Variants in P4HTM observed in about 807,000 individuals in gnomAD.
The protein encoded by P4HTM is prolyl 4-hydroxylase, transmembrane.
Under a neutral mutation model 55.3 loss-of-function variants are expected in P4HTM, and 33 were observed. That is an observed-to-expected ratio of 0.60 (90% confidence interval 0.45 to 0.80). The LOEUF (loss-of-function observed/expected upper bound fraction) is 0.80, where lower values mean the gene tolerates loss of function less well. P4HTM is among the 30% of genes least tolerant of loss of function. The pLI, the probability that P4HTM is intolerant of heterozygous loss-of-function variation, is 0.00. For missense variants in P4HTM, 542 were observed against 696.5 expected, an observed-to-expected ratio of 0.78 and a Z score of 2.50; for synonymous variants, 272 against 286.4, an observed-to-expected ratio of 0.95 and a Z score of 0.51.
Position 48,999,851 on chromosome 3 carries a change from CAA to C in P4HTM, c.437-1586_437-1585del, listed in dbSNP as rs1388021783. 1.3e-5 allele frequency: 2 copies of C among 152,248 alleles called. No individual in the cohort carries two copies. The highest frequency in any genetic ancestry group is 2.9e-5 in the Non-Finnish European group (2 of 68,058). The allele number at this position is 152,248 out of a possible 1,614,324, so 9.4% of individuals were successfully genotyped here. A position where few individuals can be genotyped will look rare whatever the true frequency, so the allele number is the denominator to read the frequency against. On this transcript the variant is annotated intron_variant, in intron 2 of 8. Coordinates refer to ENST00000383729, the MANE Select transcript of P4HTM (RefSeq NM_177939.3). The surrounding 1 kb of genome is among the most constrained non-coding windows in gnomAD (Gnocchi z 4.8). ...TTTTAAATTTTGTGTGTTAAGCAAT[CAA>C]GAGGTGACTCTGTTGATTTGCAATT...
At chr3:48,991,341 T>G in intron 2 of P4HTM, 1 of 161,108 alleles carries the variant, frequency 6.2e-6, no homozygotes, top group Non-Finnish European at 1.4e-5. Context: ...GATAAACTGG[T>G]ACCCCCCCAG....
At position 49,002,251 on chromosome 3, in the gene P4HTM, C is replaced by CA. The variant is rs1051958339; in HGVS notation, c.628-248dup. Among the ~76,000 whole-genome samples the CA allele has an allele frequency of 2.6e-5, 4 of 152,262 alleles. No individual in the cohort carries two copies. Among genetic ancestry groups the CA allele is most frequent in the Non-Finnish European group, 5.9e-5 (4 of 68,046 alleles). On this transcript the variant is annotated intron_variant, in intron 3 of 8. Transcript: ENST00000383729. The surrounding 1 kb of genome is among the most constrained non-coding windows in gnomAD (Gnocchi z 4.4). Reference sequence around the variant, plus strand: ...TCTGCTTCCAACCAACAGTGCTCTCCATGAAGGCCACGGGGCCTTAGTCCG... The same window carrying CA: ...TCTGCTTCCAACCAACAGTGCTCTCCAATGAAGGCCACGGGGCCTTAGTCCG...
At chr3:49,005,571 A>G in intron 6 of P4HTM, 1 of 1,385,406 alleles carries the variant, frequency 7.2e-7, no homozygotes, top group Non-Finnish European at 9.3e-7. Flanking sequence ...ATCTTGGCCA[A>G]AAAACCATTG....
At chr3:49,000,101 G>A (rs1413320265) in intron 2 of P4HTM, among the ~76,000 whole-genome samples, 1 of 152,208 alleles carries the variant, frequency 6.6e-6, no homozygotes, top group East Asian at 1.9e-4. Flanking sequence ...ATTTCTCTGT[G>A]CTTGGGTTTC....
rs771225012 is a variant in P4HTM, at chr3:49,005,033, G to T, written c.1060G>T (p.Glu354Ter). ...KLVANESVPF[E>*]TSCRYMTVLF... The stretch of plus-strand genomic sequence containing the variant: ...GGTAGCCAACGAGTCTGTACCCTTC[G>T]AGACCTCCTGCCGGCAAGTATCTCC... The change falls in exon 6 of 9, where the codon GAG (glutamate) becomes TAG (stop). Residue 354 changes from glutamate to a stop codon, truncating the protein, a stop_gained. Coordinates refer to ENST00000383729, the MANE Select transcript of P4HTM (RefSeq NM_177939.3). LOFTEE classifies it high-confidence loss of function. The T allele has an allele frequency of 6.2e-7, 1 of 1,613,904 alleles. No homozygotes were observed. Among genetic ancestry groups the T allele is most frequent in the African/African-American group, 1.3e-5 (1 of 74,930 alleles).
rs1028809542 is a variant in P4HTM, at chr3:48,990,262, G to T, written c.6G>T (p.Ala2=). The change falls in exon 1 of 9, where the codon GCG becomes GCT. Residue 2 remains alanine (A), a synonymous_variant. Transcript: ENST00000383729. This position sits in a 1 kb window ranked among gnomAD's most constrained non-coding sequence, Gnocchi z 7.2. M[A]AAAVTGQRPE... ...GCGCGCGCGACCTGGGTGCCATGGCGGCAGCGGCGGTGACAGGCCAGCGGC... is the reference window on the plus strand; with the variant it reads ...GCGCGCGCGACCTGGGTGCCATGGCTGCAGCGGCGGTGACAGGCCAGCGGC... 2.5e-6 allele frequency: 3 copies of T among 1,210,978 alleles called. No individual in the cohort carries two copies. Among genetic ancestry groups the T allele is most frequent in the East Asian group, 3.4e-5 (1 of 29,590 alleles). 75.0% of individuals were successfully genotyped at this position (1,210,978 alleles called of 1,614,324 possible). A position where few individuals can be genotyped will look rare whatever the true frequency, so the allele number is the denominator to read the frequency against.
chr3:48,990,345 G>T lies in P4HTM; in HGVS notation c.89G>T (p.Cys30Phe), dbSNP rs1269207401. The T allele has an allele frequency of 6.5e-7, 1 of 1,541,316 alleles. No individual in the cohort carries two copies. The highest frequency in any genetic ancestry group is 1.9e-5 in the Admixed American group (1 of 52,572). ...SRPQWAPPDH[C>F]QAQAAAGLGD... ...CCGCAGTGGGCGCCGCCAGACCACT[G>T]CCAGGCTCAGGCGGCGGCCGGGCTG... The change falls in exon 1 of 9, where the codon TGC (cysteine) becomes TTC (phenylalanine). Residue 30 changes from cysteine (C) to phenylalanine (F), a missense_variant. This residue lies in a region of P4HTM where 536 missense variants were observed against 672.1 expected (regional missense o/e 0.80). Transcript: ENST00000383729. The surrounding 1 kb of genome is among the most constrained non-coding windows in gnomAD (Gnocchi z 7.2).
In P4HTM at chr3:49,006,734, G is replaced by A; in HGVS notation, c.1336G>A (p.Val446Ile). The stretch of plus-strand genomic sequence containing the variant: ...CTACTCGCTGCACGGGGGCTGCCTG[G>A]TCACGCGCGGCACCAAGTGGATTGC... ...DDYSLHGGCLVTRGTKWIANN... is the reference protein window; with the variant it reads ...DDYSLHGGCLITRGTKWIANN... The change falls in exon 9 of 9, where the codon GTC (valine) becomes ATC (isoleucine). Residue 446 changes from valine (V) to isoleucine (I), a missense_variant. Val to Ile is a conservative substitution (Grantham distance 29). This residue lies in a region of P4HTM where 536 missense variants were observed against 672.1 expected (regional missense o/e 0.80). Coordinates refer to ENST00000383729, the MANE Select transcript of P4HTM (RefSeq NM_177939.3). 6.2e-7 allele frequency: 1 copy of A among 1,613,742 alleles called. No individual in the cohort carries two copies. Among genetic ancestry groups the A allele is most frequent in the Non-Finnish European group, 8.5e-7 (1 of 1,180,042 alleles).
At position 48,990,322 on chromosome 3, in the gene P4HTM, G is replaced by A. The variant is rs2092926652; in HGVS notation, c.66G>A (p.Pro22=). 2.1e-6 allele frequency: 3 copies of A among 1,424,954 alleles called. No individual in the cohort carries two copies. Among genetic ancestry groups the A allele is most frequent in the Non-Finnish European group, 2.7e-6 (3 of 1,094,798 alleles). The allele number at this position is 1,424,954 out of a possible 1,614,324, so 88.3% of individuals were successfully genotyped here. A position where few individuals can be genotyped will look rare whatever the true frequency, so the allele number is the denominator to read the frequency against. Residue 22 remains proline, a synonymous_variant, in exon 1 of 9, where the codon CCG becomes CCA. Coordinates refer to ENST00000383729, the MANE Select transcript of P4HTM (RefSeq NM_177939.3). This position sits in a 1 kb window ranked among gnomAD's most constrained non-coding sequence, Gnocchi z 7.2. The part of the protein sequence containing the change: ...ETAAAEEASR[P]QWAPPDHCQA... ...CGGCGGCCGAGGAGGCCTCGAGGCC[G>A]CAGTGGGCGCCGCCAGACCACTGCC...
At chr3:48,996,961 A>G (rs2092947674) in intron 2 of P4HTM, among the ~76,000 whole-genome samples, 2 of 152,328 alleles carry the variant, frequency 1.3e-5, no homozygotes, top group South Asian at 4.1e-4. Flanking sequence ...CAGCATAGAC[A>G]GCTGCCTGGG....
At chr3:49,003,281 A>G in intron 4 of P4HTM, 1 of 144,500 alleles carries the variant, frequency 6.9e-6, no homozygotes, top group Non-Finnish European at 1.4e-5. Context: ...GGTGAACCAG[A>G]GTGAAGAATC....
intron 3 of P4HTM, 77 bp downstream of exon 3, chr3:49,001,705 C>A: frequency 1.5e-6 from 2 of 1,297,476 alleles, no homozygotes; most frequent in Non-Finnish European, 2.1e-6. Context: ...GTCACTTGTC[C>A]AGCCCAGGCC....
Position 49,002,315 on chromosome 3 carries a change from C to T in P4HTM, c.628-185C>T, listed in dbSNP as rs1192659179. Among the ~76,000 whole-genome samples, 7 of 152,262 alleles carry T rather than the reference C, an allele frequency of 4.6e-5. No homozygotes were observed. The highest frequency in any genetic ancestry group is 4.1e-4 in the South Asian group (2 of 4,834). On this transcript the variant is annotated intron_variant, in intron 3 of 8. Transcript: ENST00000383729. The surrounding 1 kb of genome is among the most constrained non-coding windows in gnomAD (Gnocchi z 4.4). ...CCTACGCCTCTTGACCCCCAGCCCC[C>T]GGCCTTCTCCTCAGATGCTCTGTAC...
chr3:48,994,524 A>G (rs1274364564), intron 2 of P4HTM, among the ~76,000 whole-genome samples: 1 of 152,216 alleles, frequency 6.6e-6, no homozygotes, highest in Non-Finnish European at 1.5e-5. Flanking sequence ...GACCTGGGCC[A>G]CAAAAGGCCC....
chr3:49,006,989 A>C lies in P4HTM; in HGVS notation c.*82A>C. On this transcript the variant is annotated 3_prime_UTR_variant, in exon 9 of 9. Coordinates refer to ENST00000383729, the MANE Select transcript of P4HTM (RefSeq NM_177939.3). ...TCCGGCTGTCCTTCTGTCCTGCTGC[A>C]GACTAAAGGTCTGGCCAATGTCTTG... 2 of 1,164,638 alleles carry C rather than the reference A, an allele frequency of 1.7e-6. No individual in the cohort carries two copies. The highest frequency in any genetic ancestry group is 2.5e-6 in the Non-Finnish European group (2 of 814,170). 72.1% of individuals were successfully genotyped at this position (1,164,638 alleles called of 1,614,324 possible).
At chr3:48,990,219 G>C (rs1217334427), upstream of P4HTM, 4 of 1,153,662 alleles carry the variant, frequency 3.5e-6, no homozygotes, top group Admixed American at 1.4e-4. This position sits in a 1 kb window ranked among gnomAD's most constrained non-coding sequence, Gnocchi z 7.2. Context: ...GGGCACCCCC[G>C]CGGCCCCTCC....
rs542202121 is a variant in P4HTM at position 48,990,722 on chromosome 3, C to G, written c.355-111C>G. On this transcript the variant is annotated intron_variant, in intron 1 of 8. Transcript: ENST00000383729. This position sits in a 1 kb window ranked among gnomAD's most constrained non-coding sequence, Gnocchi z 7.2. ...CCCCGGCGCTGCTCTGCGTCGGTCCCGCGCGCTCCCACTCACTCGCCTGCT... is the reference window on the plus strand; with the variant it reads ...CCCCGGCGCTGCTCTGCGTCGGTCCGGCGCGCTCCCACTCACTCGCCTGCT... The G allele has an allele frequency of 6.8e-7, 1 of 1,473,610 alleles. No individual in the cohort carries two copies. Among genetic ancestry groups the G allele is most frequent in the Non-Finnish European group, 9.2e-7 (1 of 1,091,868 alleles). 91.3% of individuals were successfully genotyped at this position (1,473,610 alleles called of 1,614,324 possible).
chr3:48,990,838 G>T lies in P4HTM; in HGVS notation c.360G>T (p.Gly120=). ...GCTGTGCGCCTTTTCCTTAGGTGGG[G>T]CACGAGCGTAAGGTCCAGCTGGTCA... The part of the protein sequence containing the change: ...PLTRLEGIKV[G]HERKVQLVTD... The change falls in exon 2 of 9, where the codon GGG becomes GGT. Residue 120 remains glycine, a synonymous_variant. Coordinates refer to ENST00000383729, the MANE Select transcript of P4HTM (RefSeq NM_177939.3). The surrounding 1 kb of genome is among the most constrained non-coding windows in gnomAD (Gnocchi z 7.2). 6.2e-7 allele frequency: 1 copy of T among 1,613,630 alleles called. No individual in the cohort carries two copies. Among genetic ancestry groups the T allele is most frequent in the Non-Finnish European group, 8.5e-7 (1 of 1,179,746 alleles).
Position 49,002,348 on chromosome 3 carries a change from C to T in P4HTM, c.628-152C>T. On this transcript the variant is annotated intron_variant, in intron 3 of 8. Coordinates refer to ENST00000383729, the MANE Select transcript of P4HTM (RefSeq NM_177939.3). The surrounding 1 kb of genome is among the most constrained non-coding windows in gnomAD (Gnocchi z 4.4). ...TCCTCAGATGCTCTGTACCTTTCTA[C>T]CTGCACTCACTTTGGCCCAATGGGC... is the stretch of plus-strand genomic sequence containing the variant. 1 of 660,624 alleles carries T rather than the reference C, an allele frequency of 1.5e-6. No individual in the cohort carries two copies. The highest frequency in any genetic ancestry group is 2.7e-6 in the Non-Finnish European group (1 of 370,658). The allele number at this position is 660,624 out of a possible 1,614,324, so 40.9% of individuals were successfully genotyped here. A position where few individuals can be genotyped will look rare whatever the true frequency, so the allele number is the denominator to read the frequency against.
Sources: gnomAD v4.1 joint callset for allele counts (sites outside exome capture counted in the v4.1 genomes callset) on GRCh38, gnomAD v4.1.1 for gene constraint, gnomAD v4.1.1 regional missense constraint, Gnocchi (gnomAD v3.1) non-coding constraint, MANE v1.5 for transcripts, NCBI Gene and HGNC (gene_info 2026-07-23, HGNC 2026-07-21) for gene names.